The following PLCH1 variants were observed in gnomAD, a reference collection of about 807,000 sequenced individuals.
PLCH1 encodes the protein phospholipase C eta 1, also known as 1-phosphatidylinositol 4,5-bisphosphate phosphodiesterase eta-1.
In PLCH1, 60 loss-of-function variants were observed where a neutral mutation model predicts 126.7. That is an observed-to-expected ratio of 0.47 (90% confidence interval 0.38 to 0.59). The LOEUF (loss-of-function observed/expected upper bound fraction) is 0.59. PLCH1 is among the 20% of genes least tolerant of loss of function. The pLI is 0.00. For missense variants in PLCH1, 1,723 were observed against 2,040.0 expected (o/e 0.84, Z 2.99); for synonymous variants, 719 against 734.9 (o/e 0.98, Z 0.35).
chr3:155,537,215 A>AAAAAAAAAAAAAAAAAAAAC (rs1723531160), intron 10 of PLCH1, among the ~76,000 whole-genome samples: 1 of 9,168 alleles, frequency 1.1e-4, no homozygotes, highest in Non-Finnish European at 1.4e-3. Flanking sequence ...AAAAAAAAAA[A>AAAAAAAAAAAAAAAAAAAAC]AAAAAAAAAA....
chr3:155,645,202 T>A (rs542852601), intron 2 of PLCH1, among the ~76,000 whole-genome samples: 24 of 152,156 alleles, frequency 1.6e-4, no homozygotes, highest in African/African-American at 5.8e-4. Flanking sequence ...GACCCTCACC[T>A]TTTTTGTTTT....
intron 2 of PLCH1, among the ~76,000 whole-genome samples, chr3:155,675,099 A>G (rs1743957386): frequency 6.6e-6 from 1 of 152,188 alleles, no homozygotes; most frequent in African/African-American, 2.4e-5. Flanking sequence ...GGTACAATTT[A>G]TGTTTTGAAT....
intron 1 of PLCH1, among the ~76,000 whole-genome samples, chr3:155,707,736 AG>A (rs1250223324): frequency 6.6e-6 from 1 of 152,164 alleles, no homozygotes; most frequent in Non-Finnish European, 1.5e-5. Flanking sequence ...TTTGTTACAT[AG>A]CAATAGATAA....
chr3:155,656,135 T>C (rs928665849), intron 2 of PLCH1, among the ~76,000 whole-genome samples: 2 of 151,970 alleles, frequency 1.3e-5, no homozygotes, highest in Admixed American at 6.6e-5. Context: ...ATAGTAATAG[T>C]TCAATTTTCA....
intron 12 of PLCH1, among the ~76,000 whole-genome samples, chr3:155,506,178 T>A (rs1389573620): frequency 2.0e-5 from 3 of 152,112 alleles, no homozygotes; most frequent in Non-Finnish European, 4.4e-5. Context: ...GGAATAAGTA[T>A]AATTAAATTC....
At chr3:155,570,832 G>A (rs1482580356) in intron 6 of PLCH1, among the ~76,000 whole-genome samples, 3 of 152,098 alleles carry the variant, frequency 2.0e-5, no homozygotes, top group East Asian at 3.8e-4. Context: ...TTTTAAAACT[G>A]ATAGGTGTTT....
At chr3:155,709,630 A>C (rs1746941366) in intron 1 of PLCH1, among the ~76,000 whole-genome samples, 1 of 152,030 alleles carries the variant, frequency 6.6e-6, no homozygotes, top group South Asian at 2.1e-4. Flanking sequence ...TCATTTATTT[A>C]TTTTGAGACA....
intron 2 of PLCH1, among the ~76,000 whole-genome samples, chr3:155,664,134 G>T (rs1040952460): frequency 3.3e-5 from 5 of 152,222 alleles, no homozygotes; most frequent in Admixed American, 2.0e-4. Context: ...GTTCAGAAAA[G>T]AAACTGGCAA....
chr3:155,713,655 A>G (rs1052414911), intron 1 of PLCH1, among the ~76,000 whole-genome samples: 5 of 152,188 alleles, frequency 3.3e-5, no homozygotes, highest in African/African-American at 1.2e-4. Context: ...TCAAGGGACA[A>G]TGGACAAACA....
intron 10 of PLCH1, among the ~76,000 whole-genome samples, chr3:155,542,243 T>A (rs1724403849): frequency 6.6e-6 from 1 of 152,226 alleles, no homozygotes; most frequent in African/African-American, 2.4e-5. Context: ...ATCCCGCACC[T>A]GGCTCGGAGG....
intron 2 of PLCH1, among the ~76,000 whole-genome samples, chr3:155,678,680 G>A (rs1008837523): frequency 6.6e-6 from 1 of 152,178 alleles, no homozygotes; most frequent in Non-Finnish European, 1.5e-5. Flanking sequence ...GGGGACAATG[G>A]TGCTTCCTCT....
chr3:155,723,707 G>A (rs762447713), intron 1 of PLCH1, among the ~76,000 whole-genome samples: 14 of 152,092 alleles, frequency 9.2e-5, no homozygotes, highest in African/African-American at 3.4e-4. Flanking sequence ...TAAAATCCCA[G>A]CATTTTGGGA....
At chr3:155,722,881 G>T (rs1401420108) in intron 1 of PLCH1, among the ~76,000 whole-genome samples, 1 of 152,148 alleles carries the variant, frequency 6.6e-6, no homozygotes, top group African/African-American at 2.4e-5. Flanking sequence ...TTTTGGAATG[G>T]TGTCAATAGG....
chr3:155,708,969 T>C (rs1746890420), intron 1 of PLCH1, among the ~76,000 whole-genome samples: 1 of 152,206 alleles, frequency 6.6e-6, no homozygotes, highest in Non-Finnish European at 1.5e-5. Context: ...TGACGAGCAC[T>C]GATAATTTTT....
chr3:155,677,690 G>C (rs976172807), intron 2 of PLCH1, among the ~76,000 whole-genome samples: 2 of 152,120 alleles, frequency 1.3e-5, no homozygotes, highest in African/African-American at 2.4e-5. Context: ...CACATAAAGT[G>C]CTTAGAATCA....
intron 21 of PLCH1, among the ~76,000 whole-genome samples, chr3:155,486,516 T>G (rs1021935689): frequency 2.4e-4 from 34 of 142,548 alleles, no homozygotes; most frequent in African/African-American, 8.6e-4. Flanking sequence ...CAAGTTTGTT[T>G]TTTTTTTTTT....
intron 10 of PLCH1, among the ~76,000 whole-genome samples, chr3:155,540,366 G>A (rs948877563): frequency 2.0e-5 from 3 of 152,110 alleles, no homozygotes; most frequent in African/African-American, 4.8e-5. Flanking sequence ...AAGAGTGAAT[G>A]TAACAAAAAC....
intron 2 of PLCH1, among the ~76,000 whole-genome samples, chr3:155,674,018 C>A (rs1224968280): frequency 6.6e-6 from 1 of 152,196 alleles, no homozygotes; most frequent in Admixed American, 6.5e-5. Flanking sequence ...GTAATTCTTA[C>A]AACAACCTTG....
intron 2 of PLCH1, among the ~76,000 whole-genome samples, chr3:155,650,973 G>A (rs1740646400): frequency 6.6e-6 from 1 of 152,112 alleles, no homozygotes; most frequent in South Asian, 2.1e-4. Flanking sequence ...GGAAGGCGGA[G>A]GTTGCAGTGA....
Sources: allele counts gnomAD v4.1 joint callset (sites outside exome capture counted in the v4.1 genomes callset), GRCh38; gene constraint gnomAD v4.1.1; transcripts MANE v1.5; gene names NCBI Gene and HGNC (gene_info 2026-07-23, HGNC 2026-07-21).